Variants in CACNA2D4 observed in about 807,000 individuals in gnomAD.
CACNA2D4 encodes the protein calcium voltage-gated channel auxiliary subunit alpha2delta 4.
In CACNA2D4, 157 loss-of-function variants were observed where a neutral mutation model predicts 163.8. The observed-to-expected ratio is 0.96, with a 90% confidence interval of 0.84 to 1.09. CACNA2D4 has a LOEUF of 1.09. Ranked by LOEUF, CACNA2D4 falls within the 50% of genes least tolerant of loss-of-function variation. CACNA2D4 has a pLI of 0.00. For missense variants in CACNA2D4, 1,410 were observed against 1,479.9 expected, an observed-to-expected ratio of 0.95 and a Z score of 0.78; for synonymous variants, 598 against 586.9, an observed-to-expected ratio of 1.02 and a Z score of -0.27.
At position 1,833,244 on chromosome 12, in the gene CACNA2D4, T is replaced by C. The variant is rs1323681306; in HGVS notation, c.2551+7495A>G. Among the ~76,000 whole-genome samples, 6 of 152,182 alleles carry C rather than the reference T, an allele frequency of 3.9e-5. No individual in the cohort carries two copies. Among genetic ancestry groups the C allele is most frequent in the Admixed American group, 3.9e-4 (6 of 15,272 alleles). On this transcript the variant is annotated intron_variant, in intron 26 of 37. Coordinates refer to ENST00000382722, the MANE Select transcript of CACNA2D4 (RefSeq NM_172364.5). The surrounding 1 kb of genome is among the most constrained non-coding windows in gnomAD (Gnocchi z 4.2). Reference sequence around the variant, plus strand: ...ATGAGGAGACTTGCGGCAGATGGGCTGCAGAGGGAGCTGCCAGTGACGGAG... The same window carrying C: ...ATGAGGAGACTTGCGGCAGATGGGCCGCAGAGGGAGCTGCCAGTGACGGAG...
rs1001937006 is a variant in CACNA2D4 at position 1,820,499 on chromosome 12, C to T, written c.2552-8776G>A. On this transcript the variant is annotated intron_variant, in intron 26 of 37. Transcript: ENST00000382722. This position sits in a 1 kb window ranked among gnomAD's most constrained non-coding sequence, Gnocchi z 6.0. ...CCCCGCTCCACTCTGGCTCGCTGCT[C>T]GCGCACACGCGTGCGCTCTCCTCCC... 1.3e-5 allele frequency: 2 copies of T among 152,372 alleles called. No homozygotes were observed. Among genetic ancestry groups the T allele is most frequent in the African/African-American group, 2.4e-5 (1 of 41,476 alleles). 9.4% of individuals were successfully genotyped at this position (152,372 alleles called of 1,614,324 possible). A position where few individuals can be genotyped will look rare whatever the true frequency, so the allele number is the denominator to read the frequency against.
chr12:1,913,142 G>A lies in CACNA2D4; in HGVS notation c.310-3C>T. ...CTGGACTCCACATCCTTGTACTTCT[G>A]TTTGGGGAAAGTGGGAGAGATGCGT... On this transcript the variant is annotated splice_polypyrimidine_tract_variant and splice_region_variant and intron_variant, in intron 2 of 37. Coordinates refer to ENST00000382722, the MANE Select transcript of CACNA2D4 (RefSeq NM_172364.5). 6.2e-7 allele frequency: 1 copy of A among 1,605,034 alleles called. No individual in the cohort carries two copies. The highest frequency in any genetic ancestry group is 8.5e-7 in the Non-Finnish European group (1 of 1,171,782).
rs7294976 is a variant in CACNA2D4 at position 1,911,629 on chromosome 12, C to T, written c.426+1394G>A. Among the ~76,000 whole-genome samples the T allele has an allele frequency of 5.9e-3, 906 of 152,284 alleles. 13 individuals carry two copies. Among genetic ancestry groups the T allele is most frequent in the African/African-American group, 0.02 (850 of 41,556 alleles). On this transcript the variant is annotated intron_variant, in intron 3 of 37. Coordinates refer to ENST00000382722, the MANE Select transcript of CACNA2D4 (RefSeq NM_172364.5). ...AGGTCTGAGGCCCCCATACACCACCCGCAGGAGGCGCAGGGACCGGTCCTC... is the reference window on the plus strand; with the variant it reads ...AGGTCTGAGGCCCCCATACACCACCTGCAGGAGGCGCAGGGACCGGTCCTC...
At chr12:1,830,030 G>A (rs1451257076) in intron 26 of CACNA2D4, among the ~76,000 whole-genome samples, 1 of 152,216 alleles carries the variant, frequency 6.6e-6, no homozygotes, top group Non-Finnish European at 1.5e-5. Context: ...AGGACCCCAT[G>A]CTCGCTACGC....
chr12:1,863,412 C>T (rs987773291), intron 18 of CACNA2D4, among the ~76,000 whole-genome samples: 2 of 152,140 alleles, frequency 1.3e-5, no homozygotes, highest in Admixed American at 6.5e-5. Context: ...TATTCTAGGT[C>T]CTCTGCATTT....
chr12:1,872,316 G>A (rs531768469), intron 18 of CACNA2D4, among the ~76,000 whole-genome samples: 1 of 152,154 alleles, frequency 6.6e-6, no homozygotes, highest in African/African-American at 2.4e-5. Context: ...GGCCCCATAG[G>A]TTTCTGGGTT....
At chr12:1,819,068 G>T (rs1053213253) in intron 26 of CACNA2D4, among the ~76,000 whole-genome samples, 2 of 152,056 alleles carry the variant, frequency 1.3e-5, no homozygotes, top group Non-Finnish European at 2.9e-5. Context: ...CATGAGGGTG[G>T]CCCAAAGAGA....
intron 18 of CACNA2D4, among the ~76,000 whole-genome samples, chr12:1,867,875 A>T (rs1269140840): frequency 6.6e-6 from 1 of 152,204 alleles, no homozygotes; most frequent in East Asian, 1.9e-4. Context: ...GCTGCTCAAC[A>T]TCATTGATCA....
intron 29 of CACNA2D4, chr12:1,809,655 C>A (rs1016594915): frequency 1.5e-6 from 1 of 680,796 alleles, no homozygotes; most frequent in Non-Finnish European, 2.7e-6. Flanking sequence ...TTTCTGAGCA[C>A]ATGCTGGGTT....
chr12:1,818,355 G>A (rs1436394906), intron 26 of CACNA2D4, among the ~76,000 whole-genome samples: 1 of 151,900 alleles, frequency 6.6e-6, no homozygotes, highest in Non-Finnish European at 1.5e-5. Context: ...AAAAGATTGA[G>A]AAATCGGATG....
chr12:1,803,208 T>C (rs76798975), intron 29 of CACNA2D4, among the ~76,000 whole-genome samples: 1 of 152,344 alleles, frequency 6.6e-6, no homozygotes, highest in East Asian at 1.9e-4. Flanking sequence ...GGCAGCCAAG[T>C]AGACTCCAGC....
chr12:1,858,365 T>G (rs1450176169), intron 20 of CACNA2D4, among the ~76,000 whole-genome samples: 1 of 152,082 alleles, frequency 6.6e-6, no homozygotes, highest in African/African-American at 2.4e-5. Flanking sequence ...GCTCTGCTGG[T>G]TTGACGACAG....
At chr12:1,910,202 T>C (rs115868383) in intron 3 of CACNA2D4, among the ~76,000 whole-genome samples, 2 of 152,260 alleles carry the variant, frequency 1.3e-5, no homozygotes, top group African/African-American at 4.8e-5. Flanking sequence ...GCAGAGGCCA[T>C]GCACCTGTGA....
At chr12:1,851,178 C>T (rs1282128868) in intron 23 of CACNA2D4, among the ~76,000 whole-genome samples, 2 of 152,196 alleles carry the variant, frequency 1.3e-5, no homozygotes, top group Non-Finnish European at 2.9e-5. Context: ...CCACTACACC[C>T]GACCACAGAA....
rs1422168026 is a variant in CACNA2D4 at position 1,799,315 on chromosome 12, CCCGCTGAGGGCTGGGGTG to C, written c.2995+342_2995+359del. 1.3e-5 allele frequency among the ~76,000 whole-genome samples: 2 copies of C among 152,194 alleles called. No individual in the cohort carries two copies. Among genetic ancestry groups the C allele is most frequent in the African/African-American group, 4.8e-5 (2 of 41,452 alleles). ...TCCTGGGGCCCCTGGAACCCGGAGT[CCCGCTGAGGGCTGGGGTG>C]CCGCTGTTTGCTTCTCCAAGGGGTG... On this transcript the variant is annotated intron_variant, in intron 34 of 37. Transcript: ENST00000382722. This position sits in a 1 kb window ranked among gnomAD's most constrained non-coding sequence, Gnocchi z 4.7.
At chr12:1,902,178 C>A (rs1273399633) in intron 6 of CACNA2D4, among the ~76,000 whole-genome samples, 4 of 146,834 alleles carry the variant, frequency 2.7e-5, no homozygotes, top group African/African-American at 1.0e-4. Context: ...CATGGTAAAA[C>A]CCCTAAAAAA....
Position 1,800,451 on chromosome 12 carries a change from GA to G in CACNA2D4, c.2869-14del. On this transcript the variant is annotated splice_polypyrimidine_tract_variant and intron_variant, in intron 31 of 37. Coordinates refer to ENST00000382722, the MANE Select transcript of CACNA2D4 (RefSeq NM_172364.5). ...AGGCAGAAATTGGCTGGGAAGGAGAGAGTGCACACCGCTCGCACCTAGGTCC... is the reference window on the plus strand; with the variant it reads ...AGGCAGAAATTGGCTGGGAAGGAGAGGTGCACACCGCTCGCACCTAGGTCC... 1 of 1,613,646 alleles carries G rather than the reference GA, an allele frequency of 6.2e-7. No individual in the cohort carries two copies. The highest frequency in any genetic ancestry group is 8.5e-7 in the Non-Finnish European group (1 of 1,179,690).
chr12:1,799,723 G>C lies in CACNA2D4; in HGVS notation c.2975-28C>G. ...GGCCGGAACATAAGCCCAGCACAGGGTGGACACGGCACAGGAAAACATGGT... is the reference window on the plus strand; with the variant it reads ...GGCCGGAACATAAGCCCAGCACAGGCTGGACACGGCACAGGAAAACATGGT... On this transcript the variant is annotated intron_variant, in intron 33 of 37. Transcript: ENST00000382722. The surrounding 1 kb of genome is among the most constrained non-coding windows in gnomAD (Gnocchi z 4.7). 1.3e-6 allele frequency: 2 copies of C among 1,566,940 alleles called. No homozygotes were observed. The highest frequency in any genetic ancestry group is 1.7e-6 in the Non-Finnish European group (2 of 1,156,230).
chr12:1,916,421 G>C (rs1368512664), intron 1 of CACNA2D4, among the ~76,000 whole-genome samples: 2 of 152,196 alleles, frequency 1.3e-5, no homozygotes. Flanking sequence ...CTGGGTATGT[G>C]TCTAGTAGGT....
Sources: gnomAD v4.1 joint callset for allele counts (sites outside exome capture counted in the v4.1 genomes callset) on GRCh38, gnomAD v4.1.1 for gene constraint, Gnocchi (gnomAD v3.1) non-coding constraint, MANE v1.5 for transcripts, NCBI Gene and HGNC (gene_info 2026-07-23, HGNC 2026-07-21) for gene names.